CA10: variants seen among roughly 807,000 people sequenced by gnomAD.
CA10 encodes carbonic anhydrase-related protein 10.
In CA10, 14 loss-of-function variants were observed where a neutral mutation model predicts 44.2. That is an observed-to-expected ratio of 0.32 (90% CI 0.21 to 0.50). The LOEUF (loss-of-function observed/expected upper bound fraction) is 0.50. Ranked by LOEUF, CA10 falls within the 20% of genes least tolerant of loss-of-function variation. The pLI, the probability that CA10 is intolerant of heterozygous loss-of-function variation, is 0.99. For synonymous variants in CA10, 159 were observed against 141.6 expected (o/e 1.12, Z -0.87); for missense variants, 350 against 409.7 (o/e 0.85, Z 1.26).
chr17:52,147,890 A>G (rs1989623687), intron 1 of CA10, among the ~76,000 whole-genome samples: 1 of 152,152 alleles, frequency 6.6e-6, no homozygotes, highest in Admixed American at 6.5e-5. Context: ...TTTTTCTGTA[A>G]TTAAGATTAC....
chr17:51,704,731 C>G (rs1915707747), intron 4 of CA10, among the ~76,000 whole-genome samples: 1 of 152,066 alleles, frequency 6.6e-6, no homozygotes, highest in African/African-American at 2.4e-5. Context: ...TGGGAGGCGA[C>G]AGTGGTGGAT....
intron 3 of CA10, among the ~76,000 whole-genome samples, chr17:51,822,112 CT>C (rs915343712): frequency 1.4e-4 from 22 of 152,152 alleles, no homozygotes; most frequent in Admixed American, 1.4e-3. Flanking sequence ...TAGGCCTTTG[CT>C]CATATCTCAT....
intron 7 of CA10, among the ~76,000 whole-genome samples, chr17:51,635,061 T>G (rs1013207672): frequency 6.6e-6 from 1 of 152,228 alleles, no homozygotes; most frequent in African/African-American, 2.4e-5. Context: ...TAACCCCTAG[T>G]TGCTCAGAAT....
At chr17:51,916,423 A>G (rs886861263) in intron 3 of CA10, among the ~76,000 whole-genome samples, 1 of 152,220 alleles carries the variant, frequency 6.6e-6, no homozygotes, top group African/African-American at 2.4e-5. Flanking sequence ...CACAATTCCC[A>G]TGTGTCATGA....
chr17:51,707,335 A>G (rs1482761163), intron 4 of CA10, among the ~76,000 whole-genome samples: 2 of 152,198 alleles, frequency 1.3e-5, no homozygotes, highest in Non-Finnish European at 2.9e-5. Flanking sequence ...CTGGCACCTT[A>G]GATGTCCCTG....
chr17:51,932,241 C>T (rs1361690228), intron 2 of CA10, among the ~76,000 whole-genome samples: 1 of 152,076 alleles, frequency 6.6e-6, no homozygotes, highest in Non-Finnish European at 1.5e-5. Flanking sequence ...GGAGTGACTC[C>T]TGGAGAAGAT....
At chr17:52,090,509 A>C (rs1468514575) in intron 1 of CA10, among the ~76,000 whole-genome samples, 1 of 152,182 alleles carries the variant, frequency 6.6e-6, no homozygotes, top group Admixed American at 6.6e-5. Flanking sequence ...ACAGCAAAGA[A>C]GTGGACTATT....
At chr17:51,870,056 C>A (rs1157216275) in intron 3 of CA10, among the ~76,000 whole-genome samples, 1 of 152,174 alleles carries the variant, frequency 6.6e-6, no homozygotes, top group African/African-American at 2.4e-5. Context: ...TTACTAAGGC[C>A]AATCTATTGC....
intron 2 of CA10, among the ~76,000 whole-genome samples, chr17:52,058,741 C>A (rs1987296985): frequency 6.6e-6 from 1 of 152,192 alleles, no homozygotes; most frequent in African/African-American, 2.4e-5. Context: ...CCTTCATCTG[C>A]AAAGCCTTTT....
intron 3 of CA10, among the ~76,000 whole-genome samples, chr17:51,786,264 AG>A (rs1032847135): frequency 6.7e-6 from 1 of 150,154 alleles, no homozygotes; most frequent in African/African-American, 2.5e-5. Flanking sequence ...TCCAAATATA[AG>A]GTCAGGGAGG....
chr17:51,717,529 G>A (rs1916150281), intron 4 of CA10, among the ~76,000 whole-genome samples: 1 of 50,178 alleles, frequency 2.0e-5, no homozygotes, highest in African/African-American at 6.1e-5. Flanking sequence ...AAAGAAACTG[G>A]TATATATATA....
chr17:51,706,333 T>C (rs1233382836), intron 4 of CA10, among the ~76,000 whole-genome samples: 1 of 152,362 alleles, frequency 6.6e-6, no homozygotes, highest in African/African-American at 2.4e-5. Flanking sequence ...TTGCCAGAAA[T>C]GAGCTCTCAT....
intron 4 of CA10, among the ~76,000 whole-genome samples, chr17:51,717,146 T>C (rs1213392282): frequency 6.6e-6 from 1 of 152,186 alleles, no homozygotes; most frequent in East Asian, 1.9e-4. Context: ...AATGCTTGGC[T>C]TCTGCTGAAG....
intron 2 of CA10, among the ~76,000 whole-genome samples, chr17:51,932,509 C>G (rs1052297553): frequency 4.6e-5 from 7 of 152,118 alleles, no homozygotes; most frequent in African/African-American, 1.7e-4. Flanking sequence ...TTGGCCTAGA[C>G]AAACACTTCA....
chr17:51,734,053 A>G (rs1916811852), intron 4 of CA10, among the ~76,000 whole-genome samples: 2 of 152,046 alleles, frequency 1.3e-5, no homozygotes, highest in South Asian at 2.1e-4. Flanking sequence ...CGACAAGAAA[A>G]GGTCGCAGAT....
chr17:51,837,726 G>A (rs1047700703), intron 3 of CA10, among the ~76,000 whole-genome samples: 3 of 152,160 alleles, frequency 2.0e-5, no homozygotes, highest in Admixed American at 1.3e-4. Flanking sequence ...CTATATGAGG[G>A]ATTATTATAG....
intron 2 of CA10, among the ~76,000 whole-genome samples, chr17:51,954,056 A>G (rs1983579085): frequency 6.6e-6 from 1 of 152,176 alleles, no homozygotes; most frequent in Admixed American, 6.6e-5. Flanking sequence ...TCTGAGAGAC[A>G]AACATTATTC....
At chr17:51,876,201 C>G (rs1263148714) in intron 3 of CA10, among the ~76,000 whole-genome samples, 3 of 129,554 alleles carry the variant, frequency 2.3e-5, no homozygotes, top group Admixed American at 8.9e-5. Context: ...AGGTCTCACC[C>G]TGTCACCCAG....
chr17:51,664,603 G>A (rs1344827572), intron 4 of CA10, among the ~76,000 whole-genome samples: 2 of 151,758 alleles, frequency 1.3e-5, no homozygotes, highest in East Asian at 3.9e-4. Context: ...CTGATGCCTG[G>A]GATGTCTTTT....
Sources: allele counts gnomAD v4.1 joint callset (sites outside exome capture counted in the v4.1 genomes callset), GRCh38; gene constraint gnomAD v4.1.1; transcripts MANE v1.5; gene names NCBI Gene and HGNC (gene_info 2026-07-23, HGNC 2026-07-21).